GEMIN8: variants seen among roughly 807,000 people sequenced by gnomAD.
GEMIN8 encodes gem nuclear organelle associated protein 8.
For synonymous variants in GEMIN8, 80 were observed against 78.5 expected, an observed-to-expected ratio of 1.02 and a Z score of -0.10; for missense variants, 185 against 205.9, an observed-to-expected ratio of 0.90 and a Z score of 0.62.
At chrX:14,009,224 G>T (rs1013288969) in intron 4 of GEMIN8, 55 bp from the exon 5 acceptor site, 55 of 1,140,840 alleles carry the variant, frequency 4.8e-5, no homozygotes, top group Non-Finnish European at 6.3e-5. Context: ...GTGCACTGCA[G>T]AAGGAGCCCA....
Position 14,006,979 on chromosome X carries a change from C to T in GEMIN8, c.*1934G>A, listed in dbSNP as rs1465575100. ...AGAAACATTTCACTTTCAAATGCCT[C>T]AGCACCTGCTGCAATTCCAGGCTTT... On this transcript the variant is annotated 3_prime_UTR_variant, in exon 5 of 5. Coordinates refer to ENST00000680255, the MANE Select transcript of GEMIN8 (RefSeq NM_001042479.2). Among the ~76,000 whole-genome samples the T allele has an allele frequency of 8.9e-6, 1 of 112,135 alleles. No homozygotes were observed. The highest frequency in any genetic ancestry group is 1.9e-5 in the Non-Finnish European group (1 of 53,277).
downstream of GEMIN8, among the ~76,000 whole-genome samples, chrX:14,004,331 G>T (rs1923069181): frequency 8.9e-6 from 1 of 111,828 alleles, no homozygotes; most frequent in Non-Finnish European, 1.9e-5. Flanking sequence ...CACTTAATTT[G>T]TTTCCAATTG....
At chrX:13,998,879 C>T in the GEMIN8 span, among the ~76,000 whole-genome samples, 1 of 112,028 alleles carries the variant, frequency 8.9e-6, no homozygotes, top group East Asian at 2.8e-4. Flanking sequence ...ATATTACATA[C>T]CTTGTAAAGG....
At chrX:14,021,863 A>G (rs1924372184) in intron 2 of GEMIN8, among the ~76,000 whole-genome samples, 1 of 93,776 alleles carries the variant, frequency 1.1e-5, no homozygotes. Context: ...ATACTGATAT[A>G]TATACTGAGG....
At chrX:14,026,753 A>G (rs970554879) in intron 1 of GEMIN8, among the ~76,000 whole-genome samples, 12 of 112,626 alleles carry the variant, frequency 1.1e-4, no homozygotes, top group African/African-American at 1.9e-4. Flanking sequence ...AGTAAAATAA[A>G]AACACAAATT....
rs759974485 is a variant in GEMIN8, at chrX:14,008,998, A to G, written c.644T>C (p.Met215Thr). 4 of 1,211,284 alleles carry G rather than the reference A, an allele frequency of 3.3e-6. No individual in the cohort carries two copies. The highest frequency in any genetic ancestry group is 4.5e-6 in the Non-Finnish European group (4 of 894,895). Residue 215 changes from methionine (M) to threonine (T), a missense_variant, in exon 5 of 5, where the codon ATG (methionine) becomes ACG (threonine). Physicochemically the swap from Met to Thr is moderately conservative, Grantham distance 81. Coordinates refer to ENST00000680255, the MANE Select transcript of GEMIN8 (RefSeq NM_001042479.2). ...AAAGCTCAGCTGCACCGCGGCCTCCATGGCTTGGATCTTGGCAGCACTGTC... is the reference window on the plus strand; with the variant it reads ...AAAGCTCAGCTGCACCGCGGCCTCCGTGGCTTGGATCTTGGCAGCACTGTC... ...YGDSAAKIQA[M>T]EAAVQLSFDK... is the part of the protein sequence containing the mutation.
At chrX:14,016,866 A>AAAAAATAT (rs1555947311) in intron 4 of GEMIN8, among the ~76,000 whole-genome samples, 2 of 57,184 alleles carry the variant, frequency 3.5e-5, no homozygotes, top group Admixed American at 2.4e-4. Flanking sequence ...AAAAAAAAAA[A>AAAAAATAT]ATATATATAT....
At position 14,011,368 on chromosome X, in the gene GEMIN8, C is replaced by T. The variant is rs141875918; in HGVS notation, c.473-2199G>A. 8.7e-4 allele frequency among the ~76,000 whole-genome samples: 96 copies of T among 110,743 alleles called. 1 individual carries two copies. Among genetic ancestry groups the T allele is most frequent in the Non-Finnish European group, 1.5e-3 (81 of 52,906 alleles). The stretch of plus-strand genomic sequence containing the variant: ...GCAGTGGGTGGGCTGATGGCACTGC[C>T]CAGGCTTTCCAGGAAAGGTAGAATT... On this transcript the variant is annotated intron_variant, in intron 4 of 4. Coordinates refer to ENST00000680255, the MANE Select transcript of GEMIN8 (RefSeq NM_001042479.2).
At chrX:14,001,014 C>T in the GEMIN8 span, among the ~76,000 whole-genome samples, 2 of 112,324 alleles carry the variant, frequency 1.8e-5, no homozygotes, top group African/African-American at 6.5e-5. Flanking sequence ...TTTCTGTCTT[C>T]AGCTTATCAG....
At chrX:14,017,202 A>C (rs1422555767) in intron 4 of GEMIN8, among the ~76,000 whole-genome samples, 1 of 110,856 alleles carries the variant, frequency 9.0e-6, no homozygotes, top group Non-Finnish European at 1.9e-5. Flanking sequence ...GAGAACCTCT[A>C]ATCAGCGAGT....
chrX:14,016,869 ATAT>A (rs1569359678), intron 4 of GEMIN8, among the ~76,000 whole-genome samples: 967 of 53,841 alleles, frequency 0.018, 12 homozygotes, highest in African/African-American at 0.026. Flanking sequence ...AAAAAAAAAT[ATAT>A]ATATATATAT....
chrX:13,994,054 C>T, the GEMIN8 span, among the ~76,000 whole-genome samples: 665 of 111,591 alleles, frequency 6.0e-3, 11 homozygotes, highest in East Asian at 0.1. Flanking sequence ...CCAACTTAGC[C>T]TAGTGGGTGC....
intron 2 of GEMIN8, among the ~76,000 whole-genome samples, chrX:14,023,095 C>T (rs1055876726): frequency 1.8e-5 from 2 of 111,978 alleles, no homozygotes; most frequent in South Asian, 3.7e-4. Flanking sequence ...ATACATGCAA[C>T]GAATATAAAC....
chrX:14,010,737 A>G (rs1265623850), intron 4 of GEMIN8, among the ~76,000 whole-genome samples: 1 of 112,210 alleles, frequency 8.9e-6, no homozygotes, highest in Non-Finnish European at 1.9e-5. Context: ...GCTTATATGA[A>G]TAAGCCCAAT....
At chrX:14,009,195 T>C (rs1223761502) in intron 4 of GEMIN8, 26 bp from the exon 5 acceptor site, 2 of 1,204,909 alleles carry the variant, frequency 1.7e-6, no homozygotes, top group South Asian at 1.8e-5. Flanking sequence ...AACGTGAACA[T>C]GAACATAAAC....
Position 14,007,285 on chromosome X carries a change from T to C in GEMIN8, c.*1628A>G, listed in dbSNP as rs1923213848. ...TTCTTAGAGAGAAACATGTCAATAC[T>C]AAATCTTTTCACCAGCCTTTGATGG... is the stretch of plus-strand genomic sequence containing the variant. On this transcript the variant is annotated 3_prime_UTR_variant, in exon 5 of 5. Transcript: ENST00000680255. Among the ~76,000 whole-genome samples the C allele has an allele frequency of 9.0e-6, 1 of 111,676 alleles. No individual in the cohort carries two copies. Among genetic ancestry groups the C allele is most frequent in the South Asian group, 3.8e-4 (1 of 2,647 alleles).
At chrX:13,992,332 T>G in the GEMIN8 span, among the ~76,000 whole-genome samples, 136 of 111,769 alleles carry the variant, frequency 1.2e-3, 1 homozygote, top group African/African-American at 4.3e-3. Flanking sequence ...AGTGCCCTGC[T>G]GTGGAGGCAT....
chrX:13,994,264 T>C, the GEMIN8 span, among the ~76,000 whole-genome samples: 3 of 111,769 alleles, frequency 2.7e-5, no homozygotes, highest in East Asian at 8.4e-4. Context: ...AGCCGTATTT[T>C]CTGCCTTGCA....
At chrX:13,984,998 C>T in the GEMIN8 span, among the ~76,000 whole-genome samples, 1 of 111,257 alleles carries the variant, frequency 9.0e-6, no homozygotes, top group Non-Finnish European at 1.9e-5. Context: ...AAAATTAAAG[C>T]TGGTGGATAG....
Sources: gnomAD v4.1 joint callset for allele counts (sites outside exome capture counted in the v4.1 genomes callset) on GRCh38, gnomAD v4.1.1 for gene constraint, MANE v1.5 for transcripts, NCBI Gene and HGNC (gene_info 2026-07-23, HGNC 2026-07-21) for gene names.